Variants in SDK1 observed in about 807,000 individuals in gnomAD.
SDK1 encodes the protein sidekick cell adhesion molecule 1.
In SDK1, 157 loss-of-function variants were observed where a neutral mutation model predicts 245.5. That is an observed-to-expected ratio of 0.64 (90% CI 0.56 to 0.73). The LOEUF (loss-of-function observed/expected upper bound fraction) is 0.73, where lower values mean the gene tolerates loss of function less well. Ranked by LOEUF, SDK1 falls within the 30% of genes least tolerant of loss-of-function variation. The pLI, the probability that SDK1 is intolerant of heterozygous loss-of-function variation, is 0.00. For synonymous variants in SDK1, 1,647 were observed against 1,278.5 expected, an observed-to-expected ratio of 1.29 and a Z score of -6.15; for missense variants, 3,583 against 3,002.3, an observed-to-expected ratio of 1.19 and a Z score of -4.52.
chr7:3,652,123 G>C (rs1219417132), intron 4 of SDK1, among the ~76,000 whole-genome samples: 1 of 152,210 alleles, frequency 6.6e-6, no homozygotes, highest in Non-Finnish European at 1.5e-5. Context: ...TTAGATATTA[G>C]ATGAGGAAGT....
intron 4 of SDK1, among the ~76,000 whole-genome samples, chr7:3,737,264 A>C (rs1469773969): frequency 1.3e-5 from 2 of 152,112 alleles, no homozygotes; most frequent in Non-Finnish European, 2.9e-5. Context: ...CTCTCTGGTC[A>C]GGTGGTCAAT....
rs116564132 is a variant in SDK1, at chr7:3,650,874, A to G, written c.713+8769A>G. 2.3e-3 allele frequency among the ~76,000 whole-genome samples: 309 copies of G among 137,028 alleles called. 1 individual carries two copies. The highest frequency in any genetic ancestry group is 7.5e-3 in the African/African-American group (277 of 36,710). 89.9% of individuals were successfully genotyped at this position (137,028 alleles called of 152,430 possible). On this transcript the variant is annotated intron_variant, in intron 4 of 44. Transcript: ENST00000404826. ...TATAATTCCCTGATTCATCCAGGTT[A>G]TTGTCTGAAGCCTAGTTGGTTTCCT...
chr7:3,440,056 C>A (rs535900974), intron 1 of SDK1, among the ~76,000 whole-genome samples: 1 of 152,250 alleles, frequency 6.6e-6, no homozygotes, highest in Admixed American at 6.5e-5. Flanking sequence ...CCTGCATATT[C>A]ATTTTTTTGT....
chr7:3,734,728 C>T (rs531043599), intron 4 of SDK1, among the ~76,000 whole-genome samples: 3 of 152,322 alleles, frequency 2.0e-5, no homozygotes, highest in South Asian at 2.1e-4. Flanking sequence ...TAATGAGTGC[C>T]GCTCAAGTGT....
intron 1 of SDK1, among the ~76,000 whole-genome samples, chr7:3,367,660 T>C (rs12056172): frequency 0.12 from 18,118 of 152,208 alleles, 1,670 homozygotes; most frequent in East Asian, 0.43. Context: ...GTCAGCTGAG[T>C]TGGAGTCTAG....
At chr7:3,605,099 T>C (rs1781377859) in intron 1 of SDK1, among the ~76,000 whole-genome samples, 1 of 151,308 alleles carries the variant, frequency 6.6e-6, no homozygotes, top group South Asian at 2.1e-4. Flanking sequence ...GGATGTTTTC[T>C]ATCTTGATTA....
At chr7:3,344,023 A>AG (rs974167139) in intron 1 of SDK1, among the ~76,000 whole-genome samples, 6 of 143,792 alleles carry the variant, frequency 4.2e-5, no homozygotes, top group African/African-American at 1.5e-4. Context: ...ACAACCAAAA[A>AG]AAAAAAAAAA....
intron 2 of SDK1, among the ~76,000 whole-genome samples, chr7:3,638,148 A>G (rs1276196548): frequency 6.6e-6 from 1 of 152,232 alleles, no homozygotes; most frequent in Non-Finnish European, 1.5e-5. Flanking sequence ...GCTAGATACC[A>G]TGGTTACAGT....
intron 4 of SDK1, among the ~76,000 whole-genome samples, chr7:3,672,847 G>T (rs1287441455): frequency 8.2e-6 from 1 of 122,596 alleles, no homozygotes; most frequent in Non-Finnish European, 1.6e-5. Flanking sequence ...GCCAAAATAG[G>T]CACCTACAAT....
At chr7:3,476,869 G>T (rs1781361228) in intron 1 of SDK1, among the ~76,000 whole-genome samples, 1 of 152,162 alleles carries the variant, frequency 6.6e-6, no homozygotes, top group African/African-American at 2.4e-5. Flanking sequence ...TAAGAGATGG[G>T]TGTATAACTA....
rs749406916 is a variant in SDK1 at position 3,583,719 on chromosome 7, G to A, written c.299-35361G>A. 2.6e-5 allele frequency among the ~76,000 whole-genome samples: 4 copies of A among 152,112 alleles called. No individual in the cohort carries two copies. In the South Asian group the frequency reaches 8.3e-4, roughly 32 times the overall value. On this transcript the variant is annotated intron_variant, in intron 1 of 44. Coordinates refer to ENST00000404826, the MANE Select transcript of SDK1 (RefSeq NM_152744.4). ...TCCCAGGTGCCCCCTGAGAGGCATG[G>A]CATGCCACAGAAGGCATTGGCAGGA...
At chr7:3,845,260 G>A (rs1206313026) in intron 5 of SDK1, among the ~76,000 whole-genome samples, 1 of 152,088 alleles carries the variant, frequency 6.6e-6, no homozygotes, top group African/African-American at 2.4e-5. Flanking sequence ...GAGAAGCCCA[G>A]GTGGGTGGAT....
At chr7:3,528,521 C>T (rs901924983) in intron 1 of SDK1, among the ~76,000 whole-genome samples, 2 of 151,904 alleles carry the variant, frequency 1.3e-5, no homozygotes, top group East Asian at 1.9e-4. Flanking sequence ...GGGCTGTAAG[C>T]GTGTTTGCAT....
intron 1 of SDK1, among the ~76,000 whole-genome samples, chr7:3,387,498 C>T (rs1360977872): frequency 2.0e-5 from 3 of 152,242 alleles, no homozygotes; most frequent in African/African-American, 7.2e-5. Flanking sequence ...CAGAATCTGA[C>T]ACTTCCAACA....
intron 4 of SDK1, among the ~76,000 whole-genome samples, chr7:3,775,731 C>G (rs955865732): frequency 6.6e-6 from 1 of 151,976 alleles, no homozygotes; most frequent in Non-Finnish European, 1.5e-5. Flanking sequence ...CGCCCGCCAC[C>G]GCACCCGGCT....
chr7:3,774,697 C>T (rs1287734851), intron 4 of SDK1, among the ~76,000 whole-genome samples: 1 of 152,168 alleles, frequency 6.6e-6, no homozygotes, highest in Non-Finnish European at 1.5e-5. Flanking sequence ...TTCCCAGAAT[C>T]ATCCTCTGTA....
intron 13 of SDK1, among the ~76,000 whole-genome samples, chr7:3,986,068 G>A (rs572370729): frequency 2.0e-5 from 3 of 152,202 alleles, no homozygotes; most frequent in South Asian, 2.1e-4. Context: ...GTCCTGCTCC[G>A]GATTCAGGAG....
At chr7:4,016,061 C>T (rs1021676669) in intron 16 of SDK1, among the ~76,000 whole-genome samples, 1 of 152,210 alleles carries the variant, frequency 6.6e-6, no homozygotes, top group Non-Finnish European at 1.5e-5. Context: ...TGTCAGCAGC[C>T]TTACTGATGT....
intron 1 of SDK1, among the ~76,000 whole-genome samples, chr7:3,506,193 G>T (rs1172579205): frequency 6.7e-6 from 1 of 150,374 alleles, no homozygotes; most frequent in Non-Finnish European, 1.5e-5. Flanking sequence ...CTCAGATTTT[G>T]TTTGCTTGAA....
Sources: gnomAD v4.1 joint callset for allele counts (sites outside exome capture counted in the v4.1 genomes callset) on GRCh38, gnomAD v4.1.1 for gene constraint, MANE v1.5 for transcripts, NCBI Gene and HGNC (gene_info 2026-07-23, HGNC 2026-07-21) for gene names.